FCHO2: variants seen among roughly 807,000 people sequenced by gnomAD.
FCHO2 encodes the protein FCH and mu domain containing endocytic adaptor 2, also known as F-BAR domain only protein 2.
A neutral mutation model predicts 114.1 loss-of-function variants in FCHO2; 43 were observed. The ratio of observed to expected loss-of-function variants is 0.38; its 90% CI spans 0.30 to 0.49. The LOEUF is 0.49. Among genes scored for constraint, FCHO2 ranks in the 20% least tolerant of loss-of-function variants. The pLI is 0.97. For synonymous variants in FCHO2, 293 were observed against 315.2 expected (o/e 0.93, Z 0.75); for missense variants, 807 against 950.4 (o/e 0.85, Z 1.98).
chr5:73,046,060 G>GT (rs528693555), intron 11 of FCHO2, among the ~76,000 whole-genome samples: 10 of 152,162 alleles, frequency 6.6e-5, no homozygotes, highest in South Asian at 2.1e-4. Context: ...GTTTATGGTG[G>GT]TTTTTTTGTT....
intron 19 of FCHO2, 36 bp downstream of exon 19, chr5:73,068,815 T>C: frequency 1.3e-6 from 2 of 1,598,136 alleles, no homozygotes; most frequent in Non-Finnish European, 1.7e-6. Flanking sequence ...TGAAATGTAG[T>C]GTACAAAGTA....
At chr5:72,975,847 G>T (rs936749578) in intron 2 of FCHO2, among the ~76,000 whole-genome samples, 1 of 152,188 alleles carries the variant, frequency 6.6e-6, no homozygotes, top group South Asian at 2.1e-4. Context: ...TTGTTGTCTG[G>T]ATGTACTACA....
Position 72,997,288 on chromosome 5 carries a change from G to A in FCHO2, c.495+6424G>A. On this transcript the variant is annotated intron_variant, in intron 5 of 25. Coordinates refer to ENST00000430046, the MANE Select transcript of FCHO2 (RefSeq NM_138782.3). ...TGGAAGTCGTGAGCGAGTGGTGGGAGCTGGTAGTGTTTATAGCAAGCATGG... is the reference window on the plus strand; with the variant it reads ...TGGAAGTCGTGAGCGAGTGGTGGGAACTGGTAGTGTTTATAGCAAGCATGG... 8 of 1,413,228 alleles carry A rather than the reference G, an allele frequency of 5.7e-6. No homozygotes were observed. In the South Asian group the frequency reaches 9.2e-5, roughly 16 times the overall value. The allele number at this position is 1,413,228 out of a possible 1,614,324, so 87.5% of individuals were successfully genotyped here.
chr5:72,958,368 A>G (rs893182515), intron 1 of FCHO2, among the ~76,000 whole-genome samples: 6 of 152,140 alleles, frequency 3.9e-5, no homozygotes, highest in African/African-American at 1.4e-4. Flanking sequence ...TGTATGGTGC[A>G]AGGGAAAGGT....
At chr5:72,993,966 A>G (rs772892436) in intron 5 of FCHO2, among the ~76,000 whole-genome samples, 11 of 152,200 alleles carry the variant, frequency 7.2e-5, no homozygotes, top group Non-Finnish European at 1.6e-4. Context: ...CCTTTTTTAC[A>G]CCATATACAA....
intron 8 of FCHO2, chr5:73,020,929 A>G: frequency 2.6e-6 from 4 of 1,554,782 alleles, no homozygotes; most frequent in Non-Finnish European, 3.5e-6. Flanking sequence ...ATATAGTCGA[A>G]AAGCAAACTG....
chr5:73,009,467 TG>T, intron 6 of FCHO2, among the ~76,000 whole-genome samples: 1 of 152,390 alleles, frequency 6.6e-6, no homozygotes, highest in East Asian at 1.9e-4. Flanking sequence ...TTTCATGTTC[TG>T]CTTCCTCATT....
chr5:73,086,123 C>CA (rs74750959), intron 24 of FCHO2, among the ~76,000 whole-genome samples: 1,614 of 132,108 alleles, frequency 0.012, 26 homozygotes, highest in South Asian at 0.058. Context: ...GACTCTGTCT[C>CA]AAAAAAAAAA....
chr5:73,087,830 G>A (rs1482032195), intron 25 of FCHO2, 77 bp downstream of exon 25: 3 of 1,504,628 alleles, frequency 2.0e-6, no homozygotes, highest in Non-Finnish European at 2.7e-6. Context: ...AAACTGTCAA[G>A]CAATTTATAA....
intron 2 of FCHO2, among the ~76,000 whole-genome samples, chr5:72,968,889 G>T (rs529174512): frequency 9.2e-5 from 14 of 152,202 alleles, no homozygotes; most frequent in Admixed American, 2.0e-4. Flanking sequence ...AAGTTTGTAG[G>T]ATAAAACATT....
At position 72,997,158 on chromosome 5, in the gene FCHO2, T is replaced by C. The variant is rs769231671; in HGVS notation, c.495+6294T>C. 4.0e-4 allele frequency: 447 copies of C among 1,108,670 alleles called. 1 individual carries two copies. The highest frequency in any genetic ancestry group is 5.5e-4 in the Non-Finnish European group (394 of 722,044). The allele number at this position is 1,108,670 out of a possible 1,614,324, so 68.7% of individuals were successfully genotyped here. On this transcript the variant is annotated intron_variant, in intron 5 of 25. Transcript: ENST00000430046. ...TCCCACCATGATGGGGTCCTGAGGCTCACAGTCTGGCCTGGAACGCCTCCT... is the reference window on the plus strand; with the variant it reads ...TCCCACCATGATGGGGTCCTGAGGCCCACAGTCTGGCCTGGAACGCCTCCT...
intron 2 of FCHO2, among the ~76,000 whole-genome samples, chr5:72,969,276 T>C (rs1752379312): frequency 6.6e-6 from 1 of 152,234 alleles, no homozygotes; most frequent in Admixed American, 6.5e-5. Flanking sequence ...CTTTCAACAA[T>C]GTATATCCCA....
intron 11 of FCHO2, among the ~76,000 whole-genome samples, chr5:73,042,341 TCATTTTATTTCTGCATTATTTTTATG>T (rs1046224669): frequency 1.2e-4 from 18 of 152,184 alleles, no homozygotes; most frequent in Non-Finnish European, 2.5e-4. Context: ...ACTTTAGTAC[TCATTTTATTTCTGCATTATTTTTATG>T]CATTTTATTT....
chr5:72,994,438 A>G (rs1233210650), intron 5 of FCHO2, among the ~76,000 whole-genome samples: 1 of 152,236 alleles, frequency 6.6e-6, no homozygotes, highest in East Asian at 1.9e-4. Context: ...ATGAGATACC[A>G]TCTCACACTA....
chr5:73,019,494 T>C (rs1405777229), intron 8 of FCHO2, among the ~76,000 whole-genome samples: 1 of 152,090 alleles, frequency 6.6e-6, no homozygotes, highest in Non-Finnish European at 1.5e-5. Context: ...TGAGCCAAGA[T>C]TGCGCCATTG....
chr5:73,045,326 GGTT>G (rs2112819380), intron 11 of FCHO2, among the ~76,000 whole-genome samples: 1 of 152,260 alleles, frequency 6.6e-6, no homozygotes, highest in South Asian at 2.1e-4. Context: ...GTCAATTCAA[GGTT>G]GTTCTGTAAG....
chr5:72,990,409 T>C, intron 3 of FCHO2, 69 bp from the exon 4 acceptor site: 1 of 1,242,532 alleles, frequency 8.0e-7, no homozygotes, highest in African/African-American at 1.6e-5. Context: ...TTTCCACTGG[T>C]TCCTTGTTAG....
intron 1 of FCHO2, among the ~76,000 whole-genome samples, chr5:72,961,817 C>G (rs1361447382): frequency 6.6e-6 from 1 of 152,160 alleles, no homozygotes; most frequent in Admixed American, 6.6e-5. Context: ...TCTCGAACTC[C>G]TGACCTCAGG....
intron 18 of FCHO2, among the ~76,000 whole-genome samples, chr5:73,067,596 A>G (rs968711591): frequency 2.0e-5 from 3 of 152,072 alleles, no homozygotes; most frequent in African/African-American, 4.8e-5. Context: ...TGACTAGTGT[A>G]TGAATGCAAG....
Sources: gnomAD v4.1 joint callset for allele counts (sites outside exome capture counted in the v4.1 genomes callset) on GRCh38, gnomAD v4.1.1 for gene constraint, MANE v1.5 for transcripts, NCBI Gene and HGNC (gene_info 2026-07-23, HGNC 2026-07-21) for gene names.